Variants in ARL15 observed in about 807,000 individuals in gnomAD.
The protein encoded by ARL15 is ADP-ribosylation factor-like protein 15.
A neutral mutation model predicts 25.2 loss-of-function variants in ARL15; 19 were observed. The ratio of observed to expected loss-of-function variants is 0.75; its 90% CI spans 0.53 to 1.10. The LOEUF is 1.10. Among genes scored for constraint, ARL15 ranks in the 50% least tolerant of loss-of-function variants. The pLI, the probability that ARL15 is intolerant of heterozygous loss-of-function variation, is 0.00. For missense variants in ARL15, 220 were observed against 246.0 expected (o/e 0.89, Z 0.71); for synonymous variants, 94 against 86.8 (o/e 1.08, Z -0.46).
At chr5:53,916,873 TTGC>T (rs1242865629) in intron 4 of ARL15, among the ~76,000 whole-genome samples, 1 of 152,206 alleles carries the variant, frequency 6.6e-6, no homozygotes, top group East Asian at 1.9e-4. Flanking sequence ...TCATTTCATT[TTGC>T]TCTGCATATC....
chr5:54,080,412 C>A (rs549421042), intron 4 of ARL15, among the ~76,000 whole-genome samples: 1 of 152,102 alleles, frequency 6.6e-6, no homozygotes, highest in Non-Finnish European at 1.5e-5. Context: ...TTCAAAGATG[C>A]CTTTGGGGAT....
intron 1 of ARL15, among the ~76,000 whole-genome samples, chr5:54,197,277 T>C (rs1468320443): frequency 6.6e-6 from 1 of 152,156 alleles, no homozygotes; most frequent in East Asian, 1.9e-4. Flanking sequence ...CTCCAGGTAA[T>C]GAGAAATATC....
At chr5:54,174,525 T>C (rs1182206564) in intron 1 of ARL15, among the ~76,000 whole-genome samples, 1 of 152,188 alleles carries the variant, frequency 6.6e-6, no homozygotes, top group Non-Finnish European at 1.5e-5. Flanking sequence ...GCTAATTGTA[T>C]TTCCTCTCAG....
intron 4 of ARL15, among the ~76,000 whole-genome samples, chr5:54,086,160 C>T (rs6865570): frequency 0.073 from 11,031 of 152,098 alleles, 508 homozygotes; most frequent in Middle Eastern, 0.11. Context: ...GTGATCCGCC[C>T]GCCTCGGCCT....
chr5:54,240,024 G>A (rs1403533940), intron 1 of ARL15, among the ~76,000 whole-genome samples: 1 of 151,990 alleles, frequency 6.6e-6, no homozygotes, highest in Non-Finnish European at 1.5e-5. Context: ...TCAGGAGATC[G>A]AGACCATCCT....
chr5:54,082,469 A>G (rs1318427020), intron 4 of ARL15, among the ~76,000 whole-genome samples: 1 of 152,188 alleles, frequency 6.6e-6, no homozygotes, highest in Admixed American at 6.5e-5. Context: ...GTGTGTATAG[A>G]CAGATACTCA....
At chr5:53,962,452 G>C (rs1034968690) in intron 4 of ARL15, among the ~76,000 whole-genome samples, 13 of 152,046 alleles carry the variant, frequency 8.6e-5, no homozygotes, top group South Asian at 2.1e-4. Flanking sequence ...ATGATCCTGG[G>C]AGTTGGAAGC....
chr5:54,118,733 T>C (rs1008005162), intron 3 of ARL15, among the ~76,000 whole-genome samples: 1 of 152,164 alleles, frequency 6.6e-6, no homozygotes, highest in Non-Finnish European at 1.5e-5. Flanking sequence ...CTAATCTCCT[T>C]GGTACCATTA....
chr5:54,144,362 T>G (rs1753851172), intron 3 of ARL15, among the ~76,000 whole-genome samples: 2 of 152,170 alleles, frequency 1.3e-5, no homozygotes, highest in South Asian at 2.1e-4. Context: ...AAGTATTCTT[T>G]TTGTATGTCA....
intron 4 of ARL15, among the ~76,000 whole-genome samples, chr5:53,910,385 G>T (rs1420835833): frequency 6.6e-6 from 1 of 151,962 alleles, no homozygotes; most frequent in Non-Finnish European, 1.5e-5. Context: ...CAATACTAGG[G>T]TCTCAACATT....
At chr5:54,172,613 G>A (rs1184752855) in intron 1 of ARL15, among the ~76,000 whole-genome samples, 3 of 152,208 alleles carry the variant, frequency 2.0e-5, no homozygotes, top group East Asian at 3.9e-4. Context: ...TAGAGGTGAA[G>A]GGTCTTGATG....
chr5:54,069,577 AAAAAAAAC>A (rs1751353671), intron 4 of ARL15, among the ~76,000 whole-genome samples: 2 of 148,948 alleles, frequency 1.3e-5, no homozygotes, highest in Admixed American at 6.7e-5. Flanking sequence ...AAAAAAAAAA[AAAAAAAAC>A]CACGAAAAAA....
At chr5:54,178,371 G>A (rs1007624991) in intron 1 of ARL15, among the ~76,000 whole-genome samples, 2 of 152,130 alleles carry the variant, frequency 1.3e-5, no homozygotes, top group African/African-American at 4.8e-5. Flanking sequence ...CTTCTCCACA[G>A]CCAGACTACC....
At chr5:53,982,292 T>G (rs1469656944) in intron 4 of ARL15, among the ~76,000 whole-genome samples, 1 of 151,902 alleles carries the variant, frequency 6.6e-6, no homozygotes, top group Non-Finnish European at 1.5e-5. Context: ...CCCATCAACC[T>G]GTCATCTACA....
chr5:54,002,051 C>T (rs562538490), intron 4 of ARL15, among the ~76,000 whole-genome samples: 13 of 152,134 alleles, frequency 8.5e-5, no homozygotes, highest in South Asian at 2.1e-4. Flanking sequence ...AGTCACTGGA[C>T]GCTAAAAAAT....
intron 2 of ARL15, among the ~76,000 whole-genome samples, chr5:54,163,552 A>T (rs1260202303): frequency 6.6e-6 from 1 of 151,494 alleles, no homozygotes; most frequent in African/African-American, 2.4e-5. Context: ...AACTAGACTT[A>T]AAAAAAGAAA....
chr5:53,992,208 C>A (rs1400736270), intron 4 of ARL15, among the ~76,000 whole-genome samples: 1 of 152,140 alleles, frequency 6.6e-6, no homozygotes, highest in Non-Finnish European at 1.5e-5. Context: ...TGACAGATAC[C>A]AAACATTGCT....
At chr5:54,216,871 CATCTACTT>C (rs1433614525) in intron 1 of ARL15, among the ~76,000 whole-genome samples, 2 of 152,158 alleles carry the variant, frequency 1.3e-5, no homozygotes, top group African/African-American at 4.8e-5. Context: ...AAACAGAACC[CATCTACTT>C]AGACTACCCA....
chr5:54,104,966 AC>A (rs2112190704), intron 4 of ARL15, among the ~76,000 whole-genome samples: 1 of 152,070 alleles, frequency 6.6e-6, no homozygotes, highest in Non-Finnish European at 1.5e-5. Context: ...ATAAAATCCA[AC>A]AGATTAACCC....
Sources: allele counts gnomAD v4.1 joint callset (sites outside exome capture counted in the v4.1 genomes callset), GRCh38; gene constraint gnomAD v4.1.1; transcripts MANE v1.5; gene names NCBI Gene and HGNC (gene_info 2026-07-23, HGNC 2026-07-21).